OR2T1: variants seen among roughly 807,000 people sequenced by gnomAD.
The protein encoded by OR2T1 is olfactory receptor 2T1.
For missense variants in OR2T1, 440 were observed against 390.2 expected, an observed-to-expected ratio of 1.13 and a Z score of -1.07; for synonymous variants, 186 against 145.4, an observed-to-expected ratio of 1.28 and a Z score of -2.01.
chr1:248,406,659 G>A lies in OR2T1; in HGVS notation c.512G>A (p.Arg171Gln), dbSNP rs150412216. ...ATGAGCTTTCCCTTCTGCAATTCCC[G>A]GGAGATTAACCACTTCTTCTGTGAG... ...ITMSFPFCNS[R>Q]EINHFFCEAP... is the part of the protein sequence containing the mutation. Residue 171 changes from arginine (R) to glutamine (Q), a missense_variant, in exon 2 of 2, where the codon CGG becomes CAG. Coordinates refer to ENST00000642005, the MANE Select transcript of OR2T1 (RefSeq NM_030904.2). 2,448 of 1,614,058 alleles carry A rather than the reference G, an allele frequency of 1.5e-3. 33 individuals carry two copies. In the East Asian group the frequency reaches 0.02, roughly 13 times the overall value.
At chr1:248,406,089 G>A in intron 1 of OR2T1, 26 bp from the exon 2 acceptor site, 1 of 1,613,960 alleles carries the variant, frequency 6.2e-7, no homozygotes, top group Non-Finnish European at 8.5e-7. Context: ...TTACTGCCCT[G>A]GGAATGCTAT....
chr1:248,404,448 T>C (rs1456665736), intron 1 of OR2T1, among the ~76,000 whole-genome samples: 1 of 151,382 alleles, frequency 6.6e-6, no homozygotes, highest in African/African-American at 2.4e-5. Flanking sequence ...CTAAAAAAAG[T>C]AAAATGAGGG....
chr1:248,406,026 T>C (rs760978574), intron 1 of OR2T1, 89 bp from the exon 2 acceptor site: 1 of 1,611,952 alleles, frequency 6.2e-7, no homozygotes, highest in South Asian at 1.1e-5. Flanking sequence ...TTAAATGTTT[T>C]CTTCCCACTT....
intron 1 of OR2T1, among the ~76,000 whole-genome samples, chr1:248,404,470 AATG>A (rs1372582461): frequency 6.6e-6 from 1 of 151,536 alleles, no homozygotes. Context: ...GGTTGTAAGT[AATG>A]ATGACATTGT....
chr1:248,403,302 A>G (rs1472063023), intron 1 of OR2T1, 57 bp downstream of exon 1: 2 of 152,142 alleles, frequency 1.3e-5, no homozygotes, highest in Admixed American at 6.6e-5. Flanking sequence ...CTTAAATGAG[A>G]GATTGAGAAT....
intron 1 of OR2T1, 75 bp downstream of exon 1, chr1:248,403,320 C>A (rs576517155): frequency 6.6e-6 from 1 of 152,072 alleles, no homozygotes; most frequent in Non-Finnish European, 1.5e-5. Context: ...AATTTGCACC[C>A]ATTTACCAAT....
Position 248,406,256 on chromosome 1 carries a change from G to A in OR2T1, c.109G>A (p.Ala37Thr), listed in dbSNP as rs368518017. Residue 37 changes from alanine to threonine, a missense_variant, in exon 2 of 2, where the codon GCA becomes ACA. Coordinates refer to ENST00000642005, the MANE Select transcript of OR2T1 (RefSeq NM_030904.2). ...CATCATCTCTATCATCTTCTTCACCGCACTGATGGCCAATGGGGTTATGAT... is the reference window on the plus strand; with the variant it reads ...CATCATCTCTATCATCTTCTTCACCACACTGATGGCCAATGGGGTTATGAT... The part of the protein sequence containing the change: ...FAIISIIFFT[A>T]LMANGVMIFL... The A allele has an allele frequency of 3.3e-5, 54 of 1,613,922 alleles. No homozygotes were observed. Among genetic ancestry groups the A allele is most frequent in the Middle Eastern group, 3.3e-4 (2 of 6,082 alleles).
Position 248,406,861 on chromosome 1 carries a change from C to T in OR2T1, c.714C>T (p.Ala238=). The change falls in exon 2 of 2, where the codon GCC becomes GCT. Residue 238 remains alanine (A), a synonymous_variant. Coordinates refer to ENST00000642005, the MANE Select transcript of OR2T1 (RefSeq NM_030904.2). ...TGGAGGGCAGGAAGAAGGCATTTGC[C>T]ACTTGCTCATCCCACATGACTGTGG... ...SSVEGRKKAF[A]TCSSHMTVVS... The T allele has an allele frequency of 6.2e-7, 1 of 1,614,120 alleles. No homozygotes were observed. The highest frequency in any genetic ancestry group is 8.5e-7 in the Non-Finnish European group (1 of 1,180,010).
At chr1:248,405,848 C>A (rs1196949888) in intron 1 of OR2T1, 9 of 693,186 alleles carry the variant, frequency 1.3e-5, no homozygotes, top group Non-Finnish European at 2.1e-5. Flanking sequence ...TGGTATGCAA[C>A]CTTAGGCATT....
chr1:248,407,282 G>C lies in OR2T1; in HGVS notation c.*178G>C. The C allele has an allele frequency of 2.1e-6, 1 of 472,670 alleles. No homozygotes were observed. The allele number at this position is 472,670 out of a possible 1,614,324, so 29.3% of individuals were successfully genotyped here. On this transcript the variant is annotated 3_prime_UTR_variant, in exon 2 of 2. Transcript: ENST00000642005. ...TGATGTTGTGGTTTTTTAGGCCTCA[G>C]AAAACTGAATCTCTCTCTGTGATCT...
rs887103594 is a variant in OR2T1, at chr1:248,406,096, C to T, written c.-33-19C>T. 1 of 1,614,000 alleles carries T rather than the reference C, an allele frequency of 6.2e-7. No homozygotes were observed. The highest frequency in any genetic ancestry group is 8.5e-7 in the Non-Finnish European group (1 of 1,179,900). ...TTGTTATTTTACTGCCCTGGGAATG[C>T]TATCATCTTATTTGGAAGATATTAC... On this transcript the variant is annotated intron_variant, in intron 1 of 1. Transcript: ENST00000642005.
chr1:248,406,706 G>A lies in OR2T1; in HGVS notation c.559G>A (p.Ala187Thr), dbSNP rs749982935. The A allele has an allele frequency of 1.9e-6, 3 of 1,614,116 alleles. No homozygotes were observed. Among genetic ancestry groups the A allele is most frequent in the Non-Finnish European group, 2.5e-6 (3 of 1,179,992 alleles). Reference sequence around the variant, plus strand: ...TGAGGCACCAGCAGTCCTGAAGTTGGCATGTGCAGACACAGCCCTCTACGA... The same window carrying A: ...TGAGGCACCAGCAGTCCTGAAGTTGACATGTGCAGACACAGCCCTCTACGA... ...FCEAPAVLKL[A>T]CADTALYETV... is the part of the protein sequence containing the mutation. Residue 187 changes from alanine (A) to threonine (T), a missense_variant, in exon 2 of 2, where the codon GCA (alanine) becomes ACA (threonine). Physicochemically the swap from Ala to Thr is moderately conservative, Grantham distance 58. Coordinates refer to ENST00000642005, the MANE Select transcript of OR2T1 (RefSeq NM_030904.2).
rs189240031 is a variant in OR2T1, at chr1:248,406,562, G to A, written c.415G>A (p.Val139Ile). ...ATACCCTGTCCTCATGAGCCGCCGG[G>A]TCTGTTGGATGATTATAGCAGGTTC... ...LRYPVLMSRR[V>I]CWMIIAGSWF... is the part of the protein sequence containing the mutation. Residue 139 changes from valine to isoleucine, a missense_variant, in exon 2 of 2, where the codon GTC becomes ATC. By Grantham distance (29) the Val-to-Ile change is conservative (BLOSUM62 3). Transcript: ENST00000642005. 1.9e-6 allele frequency: 3 copies of A among 1,614,116 alleles called. No individual in the cohort carries two copies. In the Admixed American group the frequency reaches 5.0e-5, roughly 27 times the overall value.
chr1:248,403,813 A>C (rs1035772420), intron 1 of OR2T1, among the ~76,000 whole-genome samples: 6 of 152,098 alleles, frequency 3.9e-5, no homozygotes, highest in Non-Finnish European at 7.4e-5. Flanking sequence ...TTCTCTGATA[A>C]ATTAGATCTT....
intron 1 of OR2T1, among the ~76,000 whole-genome samples, chr1:248,403,583 C>T (rs1243955546): frequency 1.3e-5 from 2 of 152,042 alleles, no homozygotes; most frequent in African/African-American, 4.8e-5. Context: ...ATGTTGCCTT[C>T]ATCATTTCAG....
Position 248,406,284 on chromosome 1 carries a change from T to C in OR2T1, c.137T>C (p.Phe46Ser). The C allele has an allele frequency of 8.7e-6, 14 of 1,614,112 alleles. No individual in the cohort carries two copies. The highest frequency in any genetic ancestry group is 1.2e-5 in the Non-Finnish European group (14 of 1,179,996). Residue 46 changes from phenylalanine to serine, a missense_variant, in exon 2 of 2, where the codon TTC becomes TCC. Phe to Ser is a radical substitution (Grantham distance 155). Coordinates refer to ENST00000642005, the MANE Select transcript of OR2T1 (RefSeq NM_030904.2). ...TALMANGVMI[F>S]LIQTDLRLHT... The stretch of plus-strand genomic sequence containing the variant: ...CTGATGGCCAATGGGGTTATGATCT[T>C]CCTGATCCAAACAGATTTGCGCCTT...
At chr1:248,404,443 A>G (rs536022752) in intron 1 of OR2T1, among the ~76,000 whole-genome samples, 1 of 151,972 alleles carries the variant, frequency 6.6e-6, no homozygotes, top group African/African-American at 2.4e-5. Flanking sequence ...GAAACCTAAA[A>G]AAAGTAAAAT....
rs950454481 is a variant in OR2T1 at position 248,407,048 on chromosome 1, A to C, written c.901A>C (p.Lys301Gln). 6.2e-7 allele frequency: 1 copy of C among 1,613,638 alleles called. No homozygotes were observed. The highest frequency in any genetic ancestry group is 2.2e-5 in the East Asian group (1 of 44,878). The change falls in exon 2 of 2, where the codon AAG becomes CAG. Residue 301 changes from lysine to glutamine, a missense_variant. Lys to Gln is a moderately conservative substitution (Grantham distance 53). Coordinates refer to ENST00000642005, the MANE Select transcript of OR2T1 (RefSeq NM_030904.2). ...AAACAAGGATGTGACTGGAGCTCTG[A>C]AGAGGGCCTTGGGGAGGTTCAAGGG... ...LRNKDVTGAL[K>Q]RALGRFKGPQ...
intron 1 of OR2T1, among the ~76,000 whole-genome samples, chr1:248,403,921 A>G (rs1661484128): frequency 6.6e-6 from 1 of 152,100 alleles, no homozygotes; most frequent in Admixed American, 6.6e-5. Context: ...CTAGCTGGCC[A>G]TAGAAAAAGC....
Sources: gnomAD v4.1 joint callset for allele counts (sites outside exome capture counted in the v4.1 genomes callset) on GRCh38, gnomAD v4.1.1 for gene constraint, MANE v1.5 for transcripts, NCBI Gene and HGNC (gene_info 2026-07-23, HGNC 2026-07-21) for gene names.